ABCB7: variants seen among roughly 807,000 people sequenced by gnomAD.
ABCB7 encodes the protein ATP binding cassette subfamily B member 7.
ABCB7 carries 7 observed loss-of-function variants against 54.4 expected under a neutral mutation model. That is an observed-to-expected ratio of 0.13 (90% confidence interval 0.07 to 0.24). The LOEUF is 0.24. Among genes scored for constraint, ABCB7 ranks in the 10% least tolerant of loss-of-function variants. The pLI is 1.00. For missense variants in ABCB7, 356 were observed against 570.4 expected (o/e 0.62, Z 3.83); for synonymous variants, 218 against 207.1 (o/e 1.05, Z -0.45).
chrX:75,111,734 T>C (rs1265661495), intron 3 of ABCB7, among the ~76,000 whole-genome samples: 2 of 112,542 alleles, frequency 1.8e-5, no homozygotes, highest in Admixed American at 1.9e-4. Context: ...ACGATGAGTG[T>C]TGCTTTATTT....
chrX:75,088,004 A>G (rs1357596985), intron 4 of ABCB7, among the ~76,000 whole-genome samples: 1 of 112,059 alleles, frequency 8.9e-6, no homozygotes, highest in Non-Finnish European at 1.9e-5. Flanking sequence ...AGAGGGGAAA[A>G]GTAGATCACA....
chrX:75,070,325 G>T (rs1445913006), intron 10 of ABCB7, 40 bp downstream of exon 10: 1 of 1,147,050 alleles, frequency 8.7e-7, no homozygotes. Context: ...ATAGGATGAT[G>T]TTCACATACT....
At chrX:75,154,341 T>G (rs1052369881) in intron 1 of ABCB7, among the ~76,000 whole-genome samples, 2 of 111,716 alleles carry the variant, frequency 1.8e-5, no homozygotes, top group African/African-American at 6.5e-5. Context: ...CCCCTCATTC[T>G]TCCAGCTTAA....
At chrX:75,105,895 A>C (rs1372295147) in intron 3 of ABCB7, among the ~76,000 whole-genome samples, 1 of 111,880 alleles carries the variant, frequency 8.9e-6, no homozygotes, top group Non-Finnish European at 1.9e-5. Flanking sequence ...GGGAAAGGAC[A>C]ATCTATTCAA....
chrX:75,081,178 C>T (rs773122140), intron 4 of ABCB7, among the ~76,000 whole-genome samples: 17 of 111,881 alleles, frequency 1.5e-4, no homozygotes, highest in Admixed American at 1.5e-3. Flanking sequence ...ATATCAAGAA[C>T]CAATAAGATA....
intron 1 of ABCB7, among the ~76,000 whole-genome samples, chrX:75,152,733 C>G (rs2082141506): frequency 9.2e-6 from 1 of 108,847 alleles, no homozygotes; most frequent in Non-Finnish European, 1.9e-5. Context: ...GATCTCGGCT[C>G]ACTGCAACCT....
intron 15 of ABCB7, among the ~76,000 whole-genome samples, chrX:75,058,715 A>G (rs2147446874): frequency 8.9e-6 from 1 of 111,767 alleles, no homozygotes; most frequent in African/African-American, 3.2e-5. Flanking sequence ...GTGTAAAATA[A>G]GTGTATAGAT....
intron 1 of ABCB7, among the ~76,000 whole-genome samples, chrX:75,148,380 C>T (rs1322572411): frequency 9.2e-6 from 1 of 108,655 alleles, no homozygotes; most frequent in African/African-American, 3.4e-5. Flanking sequence ...TCCCAAACCC[C>T]CCCCCAACCC....
At chrX:75,071,994 T>G (rs1488217927) in intron 8 of ABCB7, among the ~76,000 whole-genome samples, 1 of 111,283 alleles carries the variant, frequency 9.0e-6, no homozygotes, top group African/African-American at 3.3e-5. Context: ...AATTGACAAT[T>G]CCCACTACCC....
chrX:75,066,129 C>T (rs1385947176), intron 12 of ABCB7, among the ~76,000 whole-genome samples: 1 of 111,581 alleles, frequency 9.0e-6, no homozygotes, highest in African/African-American at 3.2e-5. Context: ...GATATTTCAA[C>T]TTATTCTCAC....
intron 15 of ABCB7, among the ~76,000 whole-genome samples, chrX:75,057,188 C>T (rs2081247338): frequency 8.9e-6 from 1 of 111,927 alleles, no homozygotes; most frequent in Admixed American, 9.5e-5. Context: ...TTTGTACCCA[C>T]ATCCCATAGG....
chrX:75,094,445 G>A (rs1268703425), intron 4 of ABCB7, among the ~76,000 whole-genome samples: 2 of 112,049 alleles, frequency 1.8e-5, no homozygotes, highest in African/African-American at 6.5e-5. Context: ...GGGAGTGGTG[G>A]CTCATGCCTG....
At chrX:75,058,315 C>T (rs768832531) in intron 15 of ABCB7, among the ~76,000 whole-genome samples, 1 of 111,531 alleles carries the variant, frequency 9.0e-6, no homozygotes, top group Non-Finnish European at 1.9e-5. Flanking sequence ...CTCTTGTCCA[C>T]TGTTACTCCT....
At chrX:75,124,164 G>A (rs756299651) in intron 1 of ABCB7, among the ~76,000 whole-genome samples, 52 of 111,392 alleles carry the variant, frequency 4.7e-4, no homozygotes, top group Non-Finnish European at 9.0e-4. Context: ...GAATGACAGA[G>A]TAAAACAAAA....
chrX:75,070,864 C>T (rs972390946), intron 9 of ABCB7, among the ~76,000 whole-genome samples: 8 of 110,722 alleles, frequency 7.2e-5, no homozygotes, highest in Admixed American at 2.9e-4. Context: ...AATTAGTATA[C>T]ATTAAAAATT....
intron 1 of ABCB7, among the ~76,000 whole-genome samples, chrX:75,117,225 A>G (rs2081828915): frequency 9.1e-6 from 1 of 109,540 alleles, no homozygotes; most frequent in Admixed American, 9.7e-5. Flanking sequence ...TGGCAACCAC[A>G]TAAGAGACAA....
intron 4 of ABCB7, among the ~76,000 whole-genome samples, chrX:75,079,393 T>C (rs2081437288): frequency 8.9e-6 from 1 of 112,322 alleles, no homozygotes; most frequent in Admixed American, 9.4e-5. Context: ...ATTTGCTTTG[T>C]GATATTTTGG....
At chrX:75,077,249 T>A (rs2081418539) in intron 4 of ABCB7, among the ~76,000 whole-genome samples, 1 of 112,236 alleles carries the variant, frequency 8.9e-6, no homozygotes, top group Non-Finnish European at 1.9e-5. Flanking sequence ...TAAATCCATT[T>A]GTCCTACAGA....
At chrX:75,120,581 AAC>A (rs1340133118) in intron 1 of ABCB7, among the ~76,000 whole-genome samples, 1 of 109,856 alleles carries the variant, frequency 9.1e-6, no homozygotes. Context: ...CAGCCTGGGC[AAC>A]AGAGTGAGAC....
Sources: gnomAD v4.1 joint callset for allele counts (sites outside exome capture counted in the v4.1 genomes callset) on GRCh38, gnomAD v4.1.1 for gene constraint, MANE v1.5 for transcripts, NCBI Gene and HGNC (gene_info 2026-07-23, HGNC 2026-07-21) for gene names.